Variants in EVL observed in about 807,000 individuals in gnomAD.
EVL encodes the protein ena/VASP-like protein.
Under a neutral mutation model 59.6 loss-of-function variants are expected in EVL, and 21 were observed. The observed-to-expected ratio is 0.35, with a 90% confidence interval of 0.25 to 0.51. EVL has a LOEUF of 0.51. Among genes scored for constraint, EVL ranks in the 20% least tolerant of loss-of-function variants. The pLI is 0.97. For missense variants in EVL, 462 were observed against 546.6 expected, an observed-to-expected ratio of 0.85 and a Z score of 1.54; for synonymous variants, 198 against 203.5, an observed-to-expected ratio of 0.97 and a Z score of 0.23.
At chr14:100,075,237 G>A (rs1037392312) in intron 1 of EVL, among the ~76,000 whole-genome samples, 1 of 152,210 alleles carries the variant, frequency 6.6e-6, no homozygotes, top group South Asian at 2.1e-4. Flanking sequence ...GAAAGCCCCT[G>A]TCTCCTCCTG....
rs879309983 is a variant in EVL, at chr14:100,023,196, C to CTT, written c.5+51150_5+51151dup. 1.0e-2 allele frequency among the ~76,000 whole-genome samples: 1,376 copies of CTT among 138,254 alleles called. 27 individuals carry two copies. The highest frequency in any genetic ancestry group is 0.038 in the African/African-American group (1,312 of 34,800). The allele number at this position is 138,254 out of a possible 152,430, so 90.7% of individuals were successfully genotyped here. A position where few individuals can be genotyped will look rare whatever the true frequency, so the allele number is the denominator to read the frequency against. ...GACACAGGTCACTTGTCCTTTTGCC[C>CTT]TTTTTTTTTTTTAATTTTTTTTTTT... On this transcript the variant is annotated intron_variant, in intron 1 of 13. Transcript: ENST00000402714.
intron 1 of EVL, among the ~76,000 whole-genome samples, chr14:100,047,504 C>T (rs77266949): frequency 0.015 from 2,319 of 152,248 alleles, 27 homozygotes; most frequent in Non-Finnish European, 0.024. Flanking sequence ...ACTCTCTTTC[C>T]ATTGCTCCGG....
intron 3 of EVL, among the ~76,000 whole-genome samples, chr14:100,110,323 A>T (rs887139650): frequency 6.6e-6 from 1 of 151,996 alleles, no homozygotes; most frequent in Non-Finnish European, 1.5e-5. Flanking sequence ...GCAGTGAGCC[A>T]TGGTTACACC....
Position 100,129,613 on chromosome 14 carries a change from T to A in EVL, c.768T>A (p.Asp256Glu). 1.9e-6 allele frequency: 3 copies of A among 1,613,592 alleles called. No individual in the cohort carries two copies. Among genetic ancestry groups the A allele is most frequent in the Non-Finnish European group, 2.5e-6 (3 of 1,179,866 alleles). The stretch of plus-strand genomic sequence containing the variant: ...GTCCCAGTGGGACCTCAAAGTCCGA[T>A]GCCAACCGGGCAAGCAGCGGGGGTG... ...GSSPSGTSKSDANRASSGGGG... is the reference protein window; with the variant it reads ...GSSPSGTSKSEANRASSGGGG... The change falls in exon 7 of 14, where the codon GAT becomes GAA. Residue 256 changes from aspartate to glutamate, a missense_variant. By Grantham distance (45) the Asp-to-Glu change is conservative. Transcript: ENST00000392920.
At chr14:100,031,909 T>C (rs2148642) in intron 1 of EVL, among the ~76,000 whole-genome samples, 143,738 of 152,356 alleles carry the variant, frequency 0.94, 67,991 homozygotes, top group African/African-American at 0.98. Flanking sequence ...ACAGACTGCA[T>C]ACCAGAGACA....
chr14:100,028,572 G>T (rs1023126935), intron 1 of EVL, among the ~76,000 whole-genome samples: 1 of 152,138 alleles, frequency 6.6e-6, no homozygotes, highest in African/African-American at 2.4e-5. Flanking sequence ...CAGCACTTTG[G>T]GAGGCTGAGG....
chr14:100,087,668 G>C (rs2062475814), intron 2 of EVL, among the ~76,000 whole-genome samples: 2 of 152,298 alleles, frequency 1.3e-5, no homozygotes, highest in Admixed American at 6.5e-5. Flanking sequence ...AGTAGAAGTA[G>C]AGTGAATTGA....
chr14:100,131,752 G>A (rs1317158969), intron 7 of EVL, among the ~76,000 whole-genome samples: 1 of 152,144 alleles, frequency 6.6e-6, no homozygotes, highest in Admixed American at 6.5e-5. Context: ...TGAAGGTGAA[G>A]ACAAAAAAGA....
At chr14:100,052,481 G>A (rs1356143386) in intron 1 of EVL, among the ~76,000 whole-genome samples, 1 of 152,170 alleles carries the variant, frequency 6.6e-6, no homozygotes, top group Non-Finnish European at 1.5e-5. Flanking sequence ...GCCAGGCACG[G>A]TGTCTCATGC....
At chr14:100,122,813 C>T (rs1037060397) in intron 3 of EVL, among the ~76,000 whole-genome samples, 9 of 152,244 alleles carry the variant, frequency 5.9e-5, no homozygotes, top group Admixed American at 2.0e-4. Flanking sequence ...GGCCCCAGCT[C>T]CAGCCTCCTC....
chr14:100,053,002 A>T (rs1006745210), intron 1 of EVL: 2 of 152,186 alleles, frequency 1.3e-5, no homozygotes, highest in Non-Finnish European at 2.9e-5. Flanking sequence ...GCAGAGAGAG[A>T]GAGTGCACAT....
At position 100,109,580 on chromosome 14, in the gene EVL, A is replaced by G. The variant is rs181497481; in HGVS notation, c.358+11922A>G. 7.6e-4 allele frequency: 370 copies of G among 483,884 alleles called. 1 individual carries two copies. The highest frequency in any genetic ancestry group is 6.7e-3 in the African/African-American group (344 of 51,050). The allele number at this position is 483,884 out of a possible 1,614,324, so 30.0% of individuals were successfully genotyped here. On this transcript the variant is annotated intron_variant, in intron 3 of 13. Coordinates refer to ENST00000392920, the MANE Select transcript of EVL (RefSeq NM_016337.3). The surrounding 1 kb of genome is among the most constrained non-coding windows in gnomAD (Gnocchi z 4.3). ...TATTGTGTGCCTCTCATAGCCTGGC[A>G]CTTCCTGCCATTGCATCCTTCTCTG...
At chr14:99,982,806 T>C (rs972591550) in intron 1 of EVL, among the ~76,000 whole-genome samples, 2 of 152,238 alleles carry the variant, frequency 1.3e-5, no homozygotes, top group African/African-American at 4.8e-5. Flanking sequence ...TTTAGTTTAA[T>C]TTAACCCCTG....
intron 2 of EVL, among the ~76,000 whole-genome samples, chr14:100,085,878 A>G (rs2062429458): frequency 2.0e-5 from 3 of 152,238 alleles, no homozygotes; most frequent in Admixed American, 1.3e-4. Context: ...CTGTAATCCC[A>G]GCACTTTGGG....
intron 7 of EVL, 51 bp downstream of exon 7, chr14:100,129,735 C>T: frequency 6.7e-7 from 1 of 1,489,534 alleles, no homozygotes; most frequent in Non-Finnish European, 9.0e-7. Flanking sequence ...GAAGCTCCTG[C>T]CCCCGCCCCC....
intron 1 of EVL, among the ~76,000 whole-genome samples, chr14:100,076,219 A>C (rs1332278031): frequency 6.6e-6 from 1 of 152,208 alleles, no homozygotes; most frequent in African/African-American, 2.4e-5. Flanking sequence ...CTTTACCACC[A>C]GGCTGCTGGT....
intron 3 of EVL, among the ~76,000 whole-genome samples, chr14:100,098,887 G>T (rs1333441072): frequency 6.6e-6 from 1 of 152,144 alleles, no homozygotes; most frequent in East Asian, 1.9e-4. Context: ...AAATGAACTA[G>T]AATGTAAAAT....
At chr14:100,000,411 G>A (rs893320483) in intron 1 of EVL, among the ~76,000 whole-genome samples, 10 of 146,104 alleles carry the variant, frequency 6.8e-5, no homozygotes, top group Admixed American at 5.0e-4. Flanking sequence ...GCAGTGGCGC[G>A]ATCTCTGCTC....
At chr14:99,997,011 G>T (rs1254011220) in intron 1 of EVL, among the ~76,000 whole-genome samples, 1 of 152,168 alleles carries the variant, frequency 6.6e-6, no homozygotes, top group Non-Finnish European at 1.5e-5. Flanking sequence ...ACACCCATTT[G>T]GCTAGAAATT....
Sources: allele counts gnomAD v4.1 joint callset (sites outside exome capture counted in the v4.1 genomes callset), GRCh38; gene constraint gnomAD v4.1.1; non-coding constraint Gnocchi (gnomAD v3.1); transcripts MANE v1.5; gene names NCBI Gene and HGNC (gene_info 2026-07-23, HGNC 2026-07-21).